OSBPL5: variants seen among roughly 807,000 people sequenced by gnomAD.
OSBPL5 encodes the protein oxysterol-binding protein-related protein 5.
A neutral mutation model predicts 111.2 loss-of-function variants in OSBPL5; 71 were observed. The observed-to-expected ratio is 0.64, with a 90% CI of 0.53 to 0.78. The LOEUF is 0.78. OSBPL5 is among the 30% of genes least tolerant of loss of function. The probability of loss-of-function intolerance (pLI) is 0.00; values close to 1 mark genes in which losing one functional copy is unlikely to be tolerated. For missense variants in OSBPL5, 1,210 were observed against 1,189.3 expected (o/e 1.02, Z -0.26); for synonymous variants, 549 against 513.9 (o/e 1.07, Z -0.93).
At chr11:3,127,076 G>A (rs764129703) in intron 2 of OSBPL5, among the ~76,000 whole-genome samples, 14 of 152,196 alleles carry the variant, frequency 9.2e-5, no homozygotes, top group Non-Finnish European at 1.9e-4. Flanking sequence ...GACCTGAGGT[G>A]TCTGCGTTTG....
chr11:3,093,941 G>C (rs1857156950), intron 15 of OSBPL5, 106 bp from the exon 16 acceptor site: 28 of 1,374,248 alleles, frequency 2.0e-5, no homozygotes, highest in Non-Finnish European at 2.8e-5. Context: ...GTGCCTGGGA[G>C]CCCAGGAGGG....
intron 1 of OSBPL5, among the ~76,000 whole-genome samples, chr11:3,160,161 G>T (rs1846911852): frequency 6.6e-6 from 1 of 152,160 alleles, no homozygotes; most frequent in Non-Finnish European, 1.5e-5. Context: ...GGGTGGGGTG[G>T]GGGTGAGGTT....
chr11:3,145,421 C>T (rs1846308968), intron 1 of OSBPL5, among the ~76,000 whole-genome samples: 2 of 152,224 alleles, frequency 1.3e-5, no homozygotes, highest in Admixed American at 1.3e-4. Flanking sequence ...GGTCACATCC[C>T]CTCCTCCCGG....
chr11:3,132,853 G>A (rs1198410998), intron 1 of OSBPL5, among the ~76,000 whole-genome samples: 3 of 152,220 alleles, frequency 2.0e-5, no homozygotes, highest in Admixed American at 2.0e-4. Flanking sequence ...GTCTGATCAT[G>A]GCTCTGTCCC....
intron 1 of OSBPL5, among the ~76,000 whole-genome samples, chr11:3,151,776 C>A (rs974656280): frequency 3.3e-5 from 5 of 152,248 alleles, no homozygotes; most frequent in African/African-American, 1.2e-4. Context: ...CTCCAGGCAA[C>A]ACAGCCACGC....
chr11:3,155,658 C>T (rs1323355647), intron 1 of OSBPL5, among the ~76,000 whole-genome samples: 3 of 147,506 alleles, frequency 2.0e-5, no homozygotes, highest in African/African-American at 4.9e-5. Flanking sequence ...CACTCACTCA[C>T]CCCAGCTCTG....
chr11:3,156,880 C>G (rs4562812), intron 1 of OSBPL5, among the ~76,000 whole-genome samples: 22,074 of 152,212 alleles, frequency 0.15, 1,648 homozygotes, highest in East Asian at 0.18. Context: ...ATTTCACAGA[C>G]GAGGAAACTA....
intron 19 of OSBPL5, among the ~76,000 whole-genome samples, chr11:3,091,939 T>C (rs1857071022): frequency 6.6e-6 from 1 of 151,834 alleles, no homozygotes; most frequent in African/African-American, 2.4e-5. Context: ...AACGGGGGCG[T>C]GTGGGTTTGG....
chr11:3,092,545 C>G lies in OSBPL5; in HGVS notation c.2146G>C (p.Asp716His), dbSNP rs751956572. The G allele has an allele frequency of 2.5e-6, 4 of 1,591,212 alleles. No homozygotes were observed. ...HYRYEDHSPW[D>H]PLKDIAQFEQ... The stretch of plus-strand genomic sequence containing the variant: ...AACTGGGCGATGTCCTTCAGGGGGT[C>G]CCAGGGGCTGTGGCTGGAGGGTCCA... The change falls in exon 19 of 22, where the codon GAC (aspartate) becomes CAC (histidine). Residue 716 changes from aspartate to histidine, a missense_variant. Coordinates refer to ENST00000263650, the MANE Select transcript of OSBPL5 (RefSeq NM_020896.4). This position sits in a 1 kb window ranked among gnomAD's most constrained non-coding sequence, Gnocchi z 5.4.
At position 3,140,717 on chromosome 11, in the gene OSBPL5, T is replaced by C. The variant is rs904667172; in HGVS notation, c.-21-11548A>G. 6.6e-6 allele frequency among the ~76,000 whole-genome samples: 1 copy of C among 152,134 alleles called. No homozygotes were observed. The highest frequency in any genetic ancestry group is 2.4e-5 in the African/African-American group (1 of 41,422). ...CTTGTTTCCAAGACCAGAGAGGTCA[T>C]AAGGTCACCTGCTGCCCACACGTCC... On this transcript the variant is annotated intron_variant, in intron 1 of 21. Transcript: ENST00000263650. This position sits in a 1 kb window ranked among gnomAD's most constrained non-coding sequence, Gnocchi z 4.5.
rs1399184825 is a variant in OSBPL5, at chr11:3,094,151, T to C, written c.1719+86A>G. ...TGTGCACTGCCTTGGGGAACCTTCC[T>C]TGGGGCCTGGGGAGAGTGTGAGGGG... On this transcript the variant is annotated intron_variant, in intron 15 of 21. Coordinates refer to ENST00000263650, the MANE Select transcript of OSBPL5 (RefSeq NM_020896.4). 6.0e-6 allele frequency: 8 copies of C among 1,336,638 alleles called. 1 individual carries two copies. Among genetic ancestry groups the C allele is most frequent in the South Asian group, 2.6e-5 (2 of 77,642 alleles). 82.8% of individuals were successfully genotyped at this position (1,336,638 alleles called of 1,614,324 possible). A position where few individuals can be genotyped will look rare whatever the true frequency, so the allele number is the denominator to read the frequency against.
Position 3,092,574 on chromosome 11 carries a change from G to A in OSBPL5, c.2133-16C>T. The A allele has an allele frequency of 6.4e-7, 1 of 1,574,582 alleles. No homozygotes were observed. Among genetic ancestry groups the A allele is most frequent in the Non-Finnish European group, 8.6e-7 (1 of 1,158,544 alleles). On this transcript the variant is annotated splice_polypyrimidine_tract_variant and intron_variant, in intron 18 of 21. Transcript: ENST00000263650. The surrounding 1 kb of genome is among the most constrained non-coding windows in gnomAD (Gnocchi z 5.4). ...GGGGCTGTGGCTGGAGGGTCCAGAG[G>A]GCGTTCATCAGCACAGGCAGTGGCC...
chr11:3,151,134 TGATGCCGCCACGAGCCAAG>T (rs1846571849), intron 1 of OSBPL5, among the ~76,000 whole-genome samples: 1 of 151,454 alleles, frequency 6.6e-6, no homozygotes, highest in Admixed American at 6.6e-5. Flanking sequence ...GAGATCGGAG[TGATGCCGCCACGAGCCAAG>T]GAACACCTGG....
At chr11:3,132,187 CTGAT>C (rs1845833106) in intron 1 of OSBPL5, among the ~76,000 whole-genome samples, 1 of 152,020 alleles carries the variant, frequency 6.6e-6, no homozygotes, top group African/African-American at 2.4e-5. Flanking sequence ...GTCTGAAACA[CTGAT>C]ATGGAACAGA....
At position 3,141,935 on chromosome 11, in the gene OSBPL5, C is replaced by T. The variant is rs540214710; in HGVS notation, c.-21-12766G>A. 1.1e-4 allele frequency among the ~76,000 whole-genome samples: 17 copies of T among 152,110 alleles called. No homozygotes were observed. The highest frequency in any genetic ancestry group is 5.9e-4 in the Admixed American group (9 of 15,264). On this transcript the variant is annotated intron_variant, in intron 1 of 21. Coordinates refer to ENST00000263650, the MANE Select transcript of OSBPL5 (RefSeq NM_020896.4). This position sits in a 1 kb window ranked among gnomAD's most constrained non-coding sequence, Gnocchi z 6.5. ...TTCTTTCTTTTTATTTTTTTTGAGACGGAGTCTCGCTCTGTTGCCCAGACT... is the reference window on the plus strand; with the variant it reads ...TTCTTTCTTTTTATTTTTTTTGAGATGGAGTCTCGCTCTGTTGCCCAGACT...
intron 1 of OSBPL5, among the ~76,000 whole-genome samples, chr11:3,144,215 T>C (rs996588352): frequency 1.3e-5 from 2 of 151,992 alleles, no homozygotes; most frequent in African/African-American, 4.8e-5. Context: ...GGACAGAACA[T>C]GCCCCCTCCT....
In OSBPL5 at chr11:3,113,338, G is replaced by C. The variant is rs536860483; in HGVS notation, c.692-5393C>G. Among the ~76,000 whole-genome samples, 1 of 151,994 alleles carries C rather than the reference G, an allele frequency of 6.6e-6. No homozygotes were observed. ...TGTCAAAATTTGGCATAGGAGTTAC[G>C]AAACTATAAACCCAGCCCAAGACAG... On this transcript the variant is annotated intron_variant, in intron 7 of 21. Transcript: ENST00000263650. This position sits in a 1 kb window ranked among gnomAD's most constrained non-coding sequence, Gnocchi z 4.8.
intron 7 of OSBPL5, among the ~76,000 whole-genome samples, chr11:3,115,236 T>C (rs1482316197): frequency 1.3e-5 from 2 of 152,248 alleles, no homozygotes; most frequent in Non-Finnish European, 2.9e-5. Context: ...TTATGTTTTA[T>C]CAAAATAATT....
At chr11:3,152,969 T>C (rs1333420338) in intron 1 of OSBPL5, among the ~76,000 whole-genome samples, 1 of 152,102 alleles carries the variant, frequency 6.6e-6, no homozygotes, top group African/African-American at 2.4e-5. Flanking sequence ...TCTGGTTTCC[T>C]AGACAGCAGT....
Sources: gnomAD v4.1 joint callset for allele counts (sites outside exome capture counted in the v4.1 genomes callset) on GRCh38, gnomAD v4.1.1 for gene constraint, Gnocchi (gnomAD v3.1) non-coding constraint, MANE v1.5 for transcripts, NCBI Gene and HGNC (gene_info 2026-07-23, HGNC 2026-07-21) for gene names.